Variants in TRIB3 observed in about 807,000 individuals in gnomAD.
The protein encoded by TRIB3 is tribbles pseudokinase 3.
A neutral mutation model predicts 16.6 loss-of-function variants in TRIB3; 20 were observed. That is an observed-to-expected ratio of 1.20 (90% confidence interval 0.85 to 1.75). The LOEUF (loss-of-function observed/expected upper bound fraction) is 1.75. TRIB3 is among the 40% of genes most tolerant of loss of function. The pLI is 0.00. For missense variants in TRIB3, 484 were observed against 488.9 expected (o/e 0.99, Z 0.10); for synonymous variants, 208 against 217.0 (o/e 0.96, Z 0.36).
intron 3 of TRIB3, among the ~76,000 whole-genome samples, chr20:394,376 T>G (rs1243976864): frequency 2.0e-5 from 3 of 152,240 alleles, no homozygotes; most frequent in Non-Finnish European, 4.4e-5. Flanking sequence ...AGCATGCCTT[T>G]TTTAAAGAAG....
chr20:395,436 C>T (rs1028902362), intron 3 of TRIB3, among the ~76,000 whole-genome samples: 1 of 152,038 alleles, frequency 6.6e-6, no homozygotes. Flanking sequence ...GCTAGGATTA[C>T]CGGCATGAGC....
intron 3 of TRIB3, among the ~76,000 whole-genome samples, chr20:395,309 G>A (rs6037510): frequency 0.014 from 2,091 of 151,964 alleles, 57 homozygotes; most frequent in African/African-American, 0.048. Flanking sequence ...CTACAGGTGC[G>A]AATCACCATG....
chr20:383,637 G>A (rs1007575766), intron 1 of TRIB3, among the ~76,000 whole-genome samples: 3 of 152,010 alleles, frequency 2.0e-5, no homozygotes, highest in Admixed American at 6.5e-5. Context: ...ACAGGGTCTC[G>A]CTACGTTGCC....
Position 388,308 on chromosome 20 carries a change from G to C in TRIB3, c.291+7G>C. The C allele has an allele frequency of 6.3e-7, 1 of 1,591,274 alleles. No individual in the cohort carries two copies. On this transcript the variant is annotated splice_region_variant and intron_variant, in intron 2 of 3. Coordinates refer to ENST00000217233, the MANE Select transcript of TRIB3 (RefSeq NM_021158.5). ...CACTGAGTATACCTGCAAGGTACGT[G>C]CCCATGGGCGGCTGTCCCCCAGCAC...
intron 3 of TRIB3, among the ~76,000 whole-genome samples, chr20:395,346 A>AGAT (rs11474112): frequency 0.028 from 4,263 of 151,924 alleles, 127 homozygotes; most frequent in African/African-American, 0.072. Flanking sequence ...TTTTTTGTAG[A>AGAT]GATAGGTTTT....
chr20:389,052 C>T (rs1349964522), intron 2 of TRIB3, among the ~76,000 whole-genome samples: 1 of 152,132 alleles, frequency 6.6e-6, no homozygotes, highest in Non-Finnish European at 1.5e-5. Flanking sequence ...ATGCAGGACA[C>T]TGACAAGTGA....
intron 1 of TRIB3, chr20:382,637 T>C: frequency 7.3e-7 from 1 of 1,372,640 alleles, no homozygotes; most frequent in Non-Finnish European, 1.0e-6. Flanking sequence ...GTCCATAAGC[T>C]CTACATGCTT....
intron 3 of TRIB3, 74 bp from the exon 4 acceptor site, chr20:396,124 A>G: frequency 6.5e-7 from 1 of 1,539,154 alleles, no homozygotes; most frequent in Non-Finnish European, 8.7e-7. Context: ...GGGTGCCACA[A>G]GGGTGATAGC....
rs113126464 is a variant in TRIB3, at chr20:388,218, C to A, written c.208C>A (p.Pro70Thr). Residue 70 changes from proline to threonine, a missense_variant, in exon 2 of 4, where the codon CCC becomes ACC. Coordinates refer to ENST00000217233, the MANE Select transcript of TRIB3 (RefSeq NM_021158.5). ...TGTGGCCACTGCCTCCCGTCTTGGG[C>A]CCTATGTCCTCCTGGAGCCCGAGGA... The part of the protein sequence containing the change: ...TAVATASRLG[P>T]YVLLEPEEGG... The A allele has an allele frequency of 8.1e-6, 13 of 1,613,924 alleles. No homozygotes were observed. The African/African-American group carries it at 1.3e-4, about 17-fold the overall frequency.
chr20:385,512 C>G (rs747229850), intron 1 of TRIB3: 1 of 151,784 alleles, frequency 6.6e-6, no homozygotes, highest in Non-Finnish European at 1.5e-5. Flanking sequence ...TGCCTCTTCC[C>G]TCACCCCAGA....
Position 396,227 on chromosome 20 carries a change from A to G in TRIB3, c.614A>G (p.Asp205Gly), listed in dbSNP as rs944110123. ...AAGCTGGTGCTGGAGAACCTGGAGGACTCCTGCGTGCTGACTGGGCCAGAT... is the reference window on the plus strand; with the variant it reads ...AAGCTGGTGCTGGAGAACCTGGAGGGCTCCTGCGTGCTGACTGGGCCAGAT... The part of the protein sequence containing the change: ...RKKLVLENLE[D>G]SCVLTGPDDS... Residue 205 changes from aspartate to glycine, a missense_variant, in exon 4 of 4, where the codon GAC becomes GGC. Transcript: ENST00000217233. The G allele has an allele frequency of 1.2e-6, 2 of 1,610,640 alleles. No individual in the cohort carries two copies. Among genetic ancestry groups the G allele is most frequent in the African/African-American group, 2.7e-5 (2 of 74,752 alleles).
At chr20:395,929 C>T (rs1039829873) in intron 3 of TRIB3, among the ~76,000 whole-genome samples, 38 of 152,352 alleles carry the variant, frequency 2.5e-4, no homozygotes, top group African/African-American at 8.9e-4. Context: ...TCAGCCCCAT[C>T]AGCCCCCTCC....
intron 1 of TRIB3, chr20:382,642 A>C (rs1260385727): frequency 5.1e-6 from 7 of 1,364,892 alleles, no homozygotes; most frequent in Non-Finnish European, 7.1e-6. Context: ...TAAGCTCTAC[A>C]TGCTTCATTT....
At position 380,970 on chromosome 20, in the gene TRIB3, G is replaced by T. The variant is rs2014621531; in HGVS notation, c.-200G>T. The T allele has an allele frequency of 6.6e-6, 1 of 151,734 alleles. No homozygotes were observed. The highest frequency in any genetic ancestry group is 1.5e-5 in the Non-Finnish European group (1 of 67,996). 9.4% of individuals were successfully genotyped at this position (151,734 alleles called of 1,614,324 possible). On this transcript the variant is annotated 5_prime_UTR_variant, in exon 1 of 4. Coordinates refer to ENST00000217233, the MANE Select transcript of TRIB3 (RefSeq NM_021158.5). Reference sequence around the variant, plus strand: ...GATTAGCTCCGGTTTGCATCACCCGGACCGGGGGCCGGGCGCGCACGAGAC... The same window carrying T: ...GATTAGCTCCGGTTTGCATCACCCGTACCGGGGGCCGGGCGCGCACGAGAC...
chr20:393,681 TTGA>T (rs765318549), intron 3 of TRIB3, among the ~76,000 whole-genome samples: 19 of 152,186 alleles, frequency 1.2e-4, no homozygotes, highest in Non-Finnish European at 2.6e-4. Context: ...TTGGATTTGA[TTGA>T]TGTTTTCTCA....
At chr20:392,987 CAGG>C (rs1347768716) in intron 3 of TRIB3, among the ~76,000 whole-genome samples, 4 of 152,166 alleles carry the variant, frequency 2.6e-5, no homozygotes, top group Admixed American at 1.3e-4. Context: ...GCCAGTTACA[CAGG>C]AGTTTTCTGT....
At position 396,454 on chromosome 20, in the gene TRIB3, C is replaced by G. The variant is rs764614610; in HGVS notation, c.841C>G (p.Pro281Ala). ...GKIRRGAYAL[P>A]AGLSAPARCL... ...GATCCGCCGCGGGGCCTACGCCTTG[C>G]CTGCAGGCCTCTCGGCCCCTGCCCG... is the stretch of plus-strand genomic sequence containing the variant. The change falls in exon 4 of 4, where the codon CCT (proline) becomes GCT (alanine). Residue 281 changes from proline (P) to alanine (A), a missense_variant. Transcript: ENST00000217233. The G allele has an allele frequency of 6.2e-7, 1 of 1,612,838 alleles. No homozygotes were observed. Among genetic ancestry groups the G allele is most frequent in the Non-Finnish European group, 8.5e-7 (1 of 1,179,990 alleles).
At chr20:383,738 C>T (rs535460149) in intron 1 of TRIB3, among the ~76,000 whole-genome samples, 2 of 152,176 alleles carry the variant, frequency 1.3e-5, no homozygotes, top group Non-Finnish European at 2.9e-5. Flanking sequence ...CTGCACCCAG[C>T]CTGTTTTTCA....
chr20:391,622 G>A, intron 3 of TRIB3, 43 bp downstream of exon 3: 1 of 1,579,138 alleles, frequency 6.3e-7, no homozygotes, highest in South Asian at 1.1e-5. Context: ...CACACCCAGG[G>A]GGTGGGCCAT....
Sources: gnomAD v4.1 joint callset for allele counts (sites outside exome capture counted in the v4.1 genomes callset) on GRCh38, gnomAD v4.1.1 for gene constraint, MANE v1.5 for transcripts, NCBI Gene and HGNC (gene_info 2026-07-23, HGNC 2026-07-21) for gene names.